The following CCSER1 variants were observed in gnomAD, a reference collection of about 807,000 sequenced individuals.
The protein encoded by CCSER1 is coiled-coil serine rich protein 1.
CCSER1 carries 41 observed loss-of-function variants against 82.0 expected under a neutral mutation model. The observed-to-expected ratio is 0.50, with a 90% CI of 0.39 to 0.65. CCSER1 has a LOEUF of 0.65. Ranked by LOEUF, CCSER1 falls within the 30% of genes least tolerant of loss-of-function variation. The pLI is 0.00. For synonymous variants in CCSER1, 414 were observed against 383.9 expected (o/e 1.08, Z -0.92); for missense variants, 1,119 against 1,064.2 (o/e 1.05, Z -0.72).
intron 10 of CCSER1, among the ~76,000 whole-genome samples, chr4:91,580,802 C>T (rs1255252783): frequency 6.6e-6 from 1 of 151,640 alleles, no homozygotes; most frequent in Non-Finnish European, 1.5e-5. Context: ...CTTTCATGTC[C>T]TTGCCATTAC....
At chr4:90,661,898 G>A (rs367950947) in intron 6 of CCSER1, among the ~76,000 whole-genome samples, 12 of 150,054 alleles carry the variant, frequency 8.0e-5, no homozygotes, top group African/African-American at 2.9e-4. Context: ...CTTCCATTCT[G>A]CTTAAGAAAA....
intron 4 of CCSER1, among the ~76,000 whole-genome samples, chr4:90,467,846 A>G (rs1337480464): frequency 6.6e-6 from 1 of 152,220 alleles, no homozygotes; most frequent in Non-Finnish European, 1.5e-5. Flanking sequence ...AAGGGGTACC[A>G]CAGGAGGATT....
chr4:91,414,776 C>T (rs1753256692), intron 10 of CCSER1, among the ~76,000 whole-genome samples: 2 of 151,930 alleles, frequency 1.3e-5, no homozygotes, highest in Non-Finnish European at 2.9e-5. Flanking sequence ...TTATATTAAA[C>T]AAAATACACT....
intron 10 of CCSER1, among the ~76,000 whole-genome samples, chr4:91,088,796 T>A (rs1409694753): frequency 1.3e-5 from 2 of 152,160 alleles, no homozygotes; most frequent in Non-Finnish European, 2.9e-5. Flanking sequence ...TCCAGTGGGA[T>A]TTTGCAACTC....
chr4:91,078,923 C>A (rs538089620), intron 9 of CCSER1, among the ~76,000 whole-genome samples: 70 of 152,176 alleles, frequency 4.6e-4, no homozygotes, highest in African/African-American at 1.7e-3. Flanking sequence ...AAATATGGGA[C>A]TATGTGAAAA....
chr4:91,155,056 T>C (rs1730672284), intron 10 of CCSER1, among the ~76,000 whole-genome samples: 1 of 151,308 alleles, frequency 6.6e-6, no homozygotes, highest in African/African-American at 2.4e-5. Flanking sequence ...TCCTAAAACC[T>C]AGAGGCTTAA....
chr4:90,617,927 C>T (rs11935125), intron 5 of CCSER1, among the ~76,000 whole-genome samples: 4,333 of 151,896 alleles, frequency 0.029, 198 homozygotes, highest in African/African-American at 0.1. Flanking sequence ...GTTTTTCATT[C>T]CTTATTTGAA....
At chr4:91,437,370 GA>G (rs1046126669) in intron 10 of CCSER1, among the ~76,000 whole-genome samples, 16 of 152,180 alleles carry the variant, frequency 1.1e-4, no homozygotes, top group Non-Finnish European at 1.9e-4. Context: ...CATAAAACAA[GA>G]AAAATATTGA....
chr4:91,122,160 A>G (rs1727142616), intron 10 of CCSER1, among the ~76,000 whole-genome samples: 1 of 151,716 alleles, frequency 6.6e-6, no homozygotes, highest in African/African-American at 2.4e-5. Flanking sequence ...TGTCTTTAAA[A>G]GTTATTTTAA....
intron 1 of CCSER1, among the ~76,000 whole-genome samples, chr4:90,173,069 A>C (rs1159458759): frequency 6.6e-6 from 1 of 151,836 alleles, no homozygotes; most frequent in Non-Finnish European, 1.5e-5. Flanking sequence ...ACTTGAGCCA[A>C]CTGTGATACA....
chr4:91,401,226 ATGG>A (rs1752296362), intron 10 of CCSER1, among the ~76,000 whole-genome samples: 1 of 150,282 alleles, frequency 6.7e-6, no homozygotes, highest in Admixed American at 6.7e-5. Flanking sequence ...GCAGTTTAAT[ATGG>A]TGAATTATAT....
At chr4:90,626,941 C>G (rs1228151012) in intron 5 of CCSER1, among the ~76,000 whole-genome samples, 1 of 152,110 alleles carries the variant, frequency 6.6e-6, no homozygotes, top group Non-Finnish European at 1.5e-5. Context: ...CTCACTAACT[C>G]TTTAACTCCA....
At chr4:90,531,701 T>C (rs188807580) in intron 5 of CCSER1, among the ~76,000 whole-genome samples, 19 of 152,274 alleles carry the variant, frequency 1.2e-4, no homozygotes, top group African/African-American at 4.3e-4. Flanking sequence ...TTTACCCAAA[T>C]GTATAATATT....
At chr4:91,266,354 G>T (rs886726844) in intron 10 of CCSER1, among the ~76,000 whole-genome samples, 1 of 151,872 alleles carries the variant, frequency 6.6e-6, no homozygotes, top group Non-Finnish European at 1.5e-5. Context: ...CTGGGTTCAC[G>T]CCATTCTCCT....
intron 6 of CCSER1, among the ~76,000 whole-genome samples, chr4:90,665,644 A>G (rs1731631800): frequency 6.6e-6 from 1 of 152,140 alleles, no homozygotes; most frequent in Admixed American, 6.5e-5. Flanking sequence ...TGAGGGGTAA[A>G]GGAAGTATAT....
chr4:91,135,696 A>G (rs1185382494), intron 10 of CCSER1, among the ~76,000 whole-genome samples: 2 of 150,428 alleles, frequency 1.3e-5, no homozygotes, highest in Admixed American at 1.3e-4. Flanking sequence ...AAAAGCAGAG[A>G]GACAGAAGAA....
chr4:90,230,988 C>A (rs1294896238), intron 1 of CCSER1, among the ~76,000 whole-genome samples: 1 of 152,116 alleles, frequency 6.6e-6, no homozygotes, highest in Non-Finnish European at 1.5e-5. Flanking sequence ...CAATACCTTA[C>A]CAACCAAAAA....
At chr4:90,555,861 A>G (rs948516320) in intron 5 of CCSER1, among the ~76,000 whole-genome samples, 8 of 152,106 alleles carry the variant, frequency 5.3e-5, no homozygotes, top group Non-Finnish European at 7.4e-5. Flanking sequence ...ATTTCATAAT[A>G]AAGACCACCA....
At chr4:90,546,283 C>T (rs1047776221) in intron 5 of CCSER1, among the ~76,000 whole-genome samples, 3 of 152,128 alleles carry the variant, frequency 2.0e-5, no homozygotes, top group African/African-American at 4.8e-5. Context: ...TATGGCTTCG[C>T]TCTGTGACCA....
Sources: allele counts gnomAD v4.1 joint callset (sites outside exome capture counted in the v4.1 genomes callset), GRCh38; gene constraint gnomAD v4.1.1; transcripts MANE v1.5; gene names NCBI Gene and HGNC (gene_info 2026-07-23, HGNC 2026-07-21).